The following METTL15 variants were observed in gnomAD, a reference collection of about 807,000 sequenced individuals.
The protein encoded by METTL15 is methyltransferase 15, mitochondrial 12S rRNA N4-cytidine.
Under a neutral mutation model 38.3 loss-of-function variants are expected in METTL15, and 34 were observed. The observed-to-expected ratio is 0.89, with a 90% confidence interval of 0.68 to 1.18. The LOEUF is 1.18. Ranked by LOEUF, METTL15 falls within the 50% of genes most tolerant of loss-of-function variation. The pLI is 0.00. For synonymous variants in METTL15, 162 were observed against 170.9 expected, an observed-to-expected ratio of 0.95 and a Z score of 0.41; for missense variants, 438 against 498.4, an observed-to-expected ratio of 0.88 and a Z score of 1.15.
chr11:28,379,766 A>G (rs1275486153), intron 5 of METTL15, among the ~76,000 whole-genome samples: 1 of 151,952 alleles, frequency 6.6e-6, no homozygotes, highest in Non-Finnish European at 1.5e-5. Context: ...TTCTTTGTTG[A>G]TGTTTTCTGT....
intron 4 of METTL15, among the ~76,000 whole-genome samples, chr11:28,219,071 C>A (rs1178179781): frequency 2.6e-5 from 4 of 152,158 alleles, no homozygotes; most frequent in Admixed American, 1.3e-4. Context: ...ATGCTGGCCT[C>A]ATAAAATGAG....
At chr11:28,139,862 A>C (rs1029204477) in intron 3 of METTL15, among the ~76,000 whole-genome samples, 1 of 152,234 alleles carries the variant, frequency 6.6e-6, no homozygotes, top group Non-Finnish European at 1.5e-5. Context: ...AAAATGCCTG[A>C]GGGAAAATCC....
chr11:28,221,287 T>C lies in METTL15; in HGVS notation c.407+10089T>C, dbSNP rs527649995. ...TTTTATTCTTTTTTCTCTAAATTTC[T>C]CTTCTCGCTTCATTTCATTCATTTG... is the stretch of plus-strand genomic sequence containing the variant. On this transcript the variant is annotated intron_variant, in intron 4 of 6. Transcript: ENST00000407364. Among the ~76,000 whole-genome samples the C allele has an allele frequency of 2.0e-5, 3 of 152,310 alleles. No individual in the cohort carries two copies. The East Asian group carries it at 5.8e-4, about 29-fold the overall frequency.
intron 5 of METTL15, among the ~76,000 whole-genome samples, chr11:28,413,820 GAAAGATAGTCA>G (rs369922835): frequency 7.3e-4 from 111 of 152,238 alleles, no homozygotes; most frequent in African/African-American, 2.6e-3. Context: ...AAATTTTAAA[GAAAGATAGTCA>G]AATCTCTGGA....
At chr11:28,511,114 G>A (rs559931689) in intron 6 of METTL15, among the ~76,000 whole-genome samples, 3 of 152,214 alleles carry the variant, frequency 2.0e-5, no homozygotes, top group African/African-American at 4.8e-5. Context: ...ACACATGTAC[G>A]CACTCATATA....
At chr11:28,502,370 T>C (rs1260071931) in intron 6 of METTL15, among the ~76,000 whole-genome samples, 1 of 152,160 alleles carries the variant, frequency 6.6e-6, no homozygotes, top group African/African-American at 2.4e-5. Context: ...TCTACCCTTG[T>C]AGCATGGAAG....
chr11:28,387,610 A>G (rs1293520212), intron 5 of METTL15, among the ~76,000 whole-genome samples: 1 of 152,070 alleles, frequency 6.6e-6, no homozygotes, highest in Non-Finnish European at 1.5e-5. Flanking sequence ...ACTTCTGGAA[A>G]ACATTTAAAG....
intron 4 of METTL15, among the ~76,000 whole-genome samples, chr11:28,221,942 G>T (rs758672320): frequency 6.6e-6 from 1 of 152,180 alleles, no homozygotes; most frequent in Non-Finnish European, 1.5e-5. Flanking sequence ...ACCTGGCCGT[G>T]TGAGGTGTTA....
chr11:28,405,099 A>C (rs1287833541), intron 5 of METTL15, among the ~76,000 whole-genome samples: 1 of 152,148 alleles, frequency 6.6e-6, no homozygotes, highest in South Asian at 2.1e-4. Flanking sequence ...ACAAAAGCTT[A>C]TGGAGCTTGG....
At chr11:28,334,290 A>G (rs966256091), downstream of METTL15, among the ~76,000 whole-genome samples, 1 of 152,080 alleles carries the variant, frequency 6.6e-6, no homozygotes, top group South Asian at 2.1e-4. Flanking sequence ...ATTTTGGCAC[A>G]TACCATGACA....
At chr11:28,494,036 A>G (rs1851517318) in intron 6 of METTL15, among the ~76,000 whole-genome samples, 1 of 152,254 alleles carries the variant, frequency 6.6e-6, no homozygotes, top group Admixed American at 6.5e-5. Context: ...GGTTTCTGCC[A>G]CTTACTAGCT....
intron 5 of METTL15, among the ~76,000 whole-genome samples, chr11:28,395,176 C>A (rs1850555462): frequency 6.6e-6 from 1 of 152,040 alleles, no homozygotes; most frequent in African/African-American, 2.4e-5. Flanking sequence ...ATTCTGCTTT[C>A]AGAATTTGGG....
intron 4 of METTL15, among the ~76,000 whole-genome samples, chr11:28,256,256 T>G (rs1307497209): frequency 6.6e-6 from 1 of 152,212 alleles, no homozygotes; most frequent in Non-Finnish European, 1.5e-5. Flanking sequence ...TTAGAATAGT[T>G]TGAGTAGAAT....
chr11:28,217,736 G>T (rs1201380940), intron 4 of METTL15, among the ~76,000 whole-genome samples: 11 of 152,152 alleles, frequency 7.2e-5, no homozygotes, highest in Admixed American at 1.3e-4. Context: ...AATTTTTGTA[G>T]GAGGTGTAAG....
chr11:28,365,303 C>T (rs1850174940), intron 5 of METTL15, among the ~76,000 whole-genome samples: 1 of 152,002 alleles, frequency 6.6e-6, no homozygotes, highest in Non-Finnish European at 1.5e-5. Flanking sequence ...CCATCTAGTC[C>T]AGGGCTCTTT....
chr11:28,373,918 A>G (rs1056524164), intron 5 of METTL15, among the ~76,000 whole-genome samples: 1 of 152,182 alleles, frequency 6.6e-6, no homozygotes, highest in Non-Finnish European at 1.5e-5. Flanking sequence ...CTTATTAAAT[A>G]GGGAATCCTT....
chr11:28,157,542 G>A (rs1206169000), intron 3 of METTL15, among the ~76,000 whole-genome samples: 1 of 152,138 alleles, frequency 6.6e-6, no homozygotes, highest in Non-Finnish European at 1.5e-5. Flanking sequence ...ACAGCTCTTG[G>A]CCTGTTACTG....
In METTL15 at chr11:28,431,506, G is replaced by C. The variant is rs1328944775; in HGVS notation, c.*424+7142G>C. ...CCCAACCCTGTGCTCTCTGAAACAT[G>C]TGCTGTGTCCACTCAGGGTTAAATG... On this transcript the variant is annotated intron_variant and NMD_transcript_variant, in intron 6 of 7. Transcript: ENST00000532947. 3.5e-3 allele frequency among the ~76,000 whole-genome samples: 275 copies of C among 78,300 alleles called. 1 individual carries two copies. Among genetic ancestry groups the C allele is most frequent in the African/African-American group, 0.012 (271 of 22,618 alleles). 51.4% of individuals were successfully genotyped at this position (78,300 alleles called of 152,430 possible). A position where few individuals can be genotyped will look rare whatever the true frequency, so the allele number is the denominator to read the frequency against.
At chr11:28,185,839 T>G (rs1407217417) in intron 3 of METTL15, among the ~76,000 whole-genome samples, 1 of 150,386 alleles carries the variant, frequency 6.6e-6, no homozygotes. Flanking sequence ...AAAATATCTA[T>G]GTTTTCATGG....
Sources: gnomAD v4.1 joint callset for allele counts (sites outside exome capture counted in the v4.1 genomes callset) on GRCh38, gnomAD v4.1.1 for gene constraint, MANE v1.5 for transcripts, NCBI Gene and HGNC (gene_info 2026-07-23, HGNC 2026-07-21) for gene names.